AKAP13: variants seen among roughly 807,000 people sequenced by gnomAD.
AKAP13 encodes A-kinase anchor protein 13.
A neutral mutation model predicts 264.5 loss-of-function variants in AKAP13; 80 were observed. That is an observed-to-expected ratio of 0.30 (90% CI 0.25 to 0.36). The LOEUF is 0.36. Ranked by LOEUF, AKAP13 falls within the 10% of genes least tolerant of loss-of-function variation. AKAP13 has a pLI of 1.00. For synonymous variants in AKAP13, 1,380 were observed against 1,250.2 expected, an observed-to-expected ratio of 1.10 and a Z score of -2.19; for missense variants, 3,712 against 3,435.2, an observed-to-expected ratio of 1.08 and a Z score of -2.01.
intron 13 of AKAP13, among the ~76,000 whole-genome samples, chr15:85,665,289 G>A (rs1400673201): frequency 2.6e-5 from 4 of 152,276 alleles, no homozygotes; most frequent in Non-Finnish European, 4.4e-5. Context: ...AATTAGGAAA[G>A]TATCCAGGAT....
chr15:85,614,420 T>G (rs2080847612), intron 8 of AKAP13, among the ~76,000 whole-genome samples: 1 of 152,262 alleles, frequency 6.6e-6, no homozygotes, highest in Non-Finnish European at 1.5e-5. Flanking sequence ...ATTCTATTTT[T>G]GTAAGATATT....
intron 8 of AKAP13, among the ~76,000 whole-genome samples, chr15:85,597,533 A>G (rs1567147143): frequency 2.6e-5 from 4 of 152,224 alleles, no homozygotes; most frequent in Admixed American, 1.3e-4. Flanking sequence ...AAGAAAAATT[A>G]TGGGAAGGAT....
At position 85,579,783 on chromosome 15, in the gene AKAP13, G is replaced by C; in HGVS notation, c.1715G>C (p.Arg572Pro). 1 of 1,614,210 alleles carries C rather than the reference G, an allele frequency of 6.2e-7. No homozygotes were observed. The highest frequency in any genetic ancestry group is 1.6e-4 in the Middle Eastern group (1 of 6,062). Reference protein sequence around the residue: ...TEKTAETETSRSREESADAPV... With the variant: ...TEKTAETETSPSREESADAPV... ...AAAACAGCAGAAACGGAAACTTCACGAAGTCGTGAGGAGAGTGCTGATGCT... is the reference window on the plus strand; with the variant it reads ...AAAACAGCAGAAACGGAAACTTCACCAAGTCGTGAGGAGAGTGCTGATGCT... The change falls in exon 7 of 37, where the codon CGA (arginine) becomes CCA (proline). Residue 572 changes from arginine to proline, a missense_variant. This residue lies in a region of AKAP13 where 2,759 missense variants were observed against 2,411.7 expected (regional missense o/e 1.14). Transcript: ENST00000394518.
At chr15:85,415,711 GTTTCT>G in intron 1 of AKAP13, 1 of 685,446 alleles carries the variant, frequency 1.5e-6, no homozygotes, top group Non-Finnish European at 2.4e-6. Flanking sequence ...TCTCCATACC[GTTTCT>G]TTTTTTTTTT....
intron 1 of AKAP13, among the ~76,000 whole-genome samples, chr15:85,477,483 C>G (rs934187824): frequency 2.0e-5 from 3 of 152,040 alleles, no homozygotes; most frequent in Admixed American, 2.0e-4. Flanking sequence ...GGAGTCTGGC[C>G]TGGCCCTGTT....
chr15:85,546,000 T>C (rs949932321), intron 5 of AKAP13, among the ~76,000 whole-genome samples: 5 of 152,176 alleles, frequency 3.3e-5, no homozygotes, highest in Non-Finnish European at 5.9e-5. Context: ...CTCCAGCCCC[T>C]GATAACCTCT....
intron 8 of AKAP13, among the ~76,000 whole-genome samples, chr15:85,609,825 C>T (rs1035511820): frequency 2.6e-5 from 4 of 152,160 alleles, no homozygotes; most frequent in African/African-American, 9.7e-5. Context: ...CAACACCCAC[C>T]TCCTCTCTTC....
chr15:85,415,531 G>A, intron 1 of AKAP13: 1 of 1,501,318 alleles, frequency 6.7e-7, no homozygotes, highest in Middle Eastern at 1.7e-4. Flanking sequence ...GAGTGGGATG[G>A]GAAGGAAAAC....
At chr15:85,414,409 C>G (rs2072134637) in intron 1 of AKAP13, among the ~76,000 whole-genome samples, 2 of 152,076 alleles carry the variant, frequency 1.3e-5, no homozygotes. Flanking sequence ...GACCACCGTG[C>G]TTTCTTTTTT....
intron 1 of AKAP13, among the ~76,000 whole-genome samples, chr15:85,425,316 A>T (rs1295950091): frequency 6.6e-6 from 1 of 152,174 alleles, no homozygotes; most frequent in Non-Finnish European, 1.5e-5. Flanking sequence ...CCTGGTTTTA[A>T]ATTACAGTTT....
intron 8 of AKAP13, among the ~76,000 whole-genome samples, chr15:85,592,759 C>T (rs750314495): frequency 1.1e-4 from 17 of 152,024 alleles, no homozygotes; most frequent in Non-Finnish European, 2.1e-4. Context: ...ATCAGCGGCT[C>T]CTAATACAAA....
At chr15:85,425,586 C>T (rs920938248) in intron 1 of AKAP13, among the ~76,000 whole-genome samples, 2 of 151,808 alleles carry the variant, frequency 1.3e-5, no homozygotes, top group Non-Finnish European at 2.9e-5. Flanking sequence ...TGTGGTGGCA[C>T]GTGCCTGTAA....
chr15:85,583,878 G>A (rs1446963001), intron 7 of AKAP13, among the ~76,000 whole-genome samples: 2 of 152,170 alleles, frequency 1.3e-5, no homozygotes, highest in Non-Finnish European at 2.9e-5. Flanking sequence ...CAGTATATAT[G>A]GGCTTGAGGT....
Position 85,580,076 on chromosome 15 carries a change from A to G in AKAP13, c.2008A>G (p.Asn670Asp). The G allele has an allele frequency of 6.2e-7, 1 of 1,614,216 alleles. No homozygotes were observed. Among genetic ancestry groups the G allele is most frequent in the Non-Finnish European group, 8.5e-7 (1 of 1,180,044 alleles). The change falls in exon 7 of 37, where the codon AAC becomes GAC. Residue 670 changes from asparagine to aspartate, a missense_variant. By Grantham distance (23) the Asn-to-Asp change is conservative (BLOSUM62 1). This residue lies in a region of AKAP13 where 2,759 missense variants were observed against 2,411.7 expected (regional missense o/e 1.14). Coordinates refer to ENST00000394518, the MANE Select transcript of AKAP13 (RefSeq NM_007200.5). The stretch of plus-strand genomic sequence containing the variant: ...TTGTGCAGACTCTGCATGTCAACAG[A>G]ACACAGTGACTTCTAGTGGCGATTT... ...KLCADSACQQNTVTSSGDLVA... is the reference protein window; with the variant it reads ...KLCADSACQQDTVTSSGDLVA...
At chr15:85,545,691 G>T (rs1421291222) in intron 5 of AKAP13, among the ~76,000 whole-genome samples, 1 of 152,130 alleles carries the variant, frequency 6.6e-6, no homozygotes, top group Non-Finnish European at 1.5e-5. Flanking sequence ...CATAATTAGC[G>T]ATTAAAAAAT....
chr15:85,696,150 A>G (rs896542728), intron 17 of AKAP13, among the ~76,000 whole-genome samples: 1 of 152,216 alleles, frequency 6.6e-6, no homozygotes, highest in Admixed American at 6.5e-5. Context: ...CTGGTTAGTT[A>G]TTAGTATGAT....
chr15:85,704,683 T>C (rs2086128909), intron 17 of AKAP13, among the ~76,000 whole-genome samples: 1 of 152,246 alleles, frequency 6.6e-6, no homozygotes, highest in African/African-American at 2.4e-5. Context: ...TGCCTACTGC[T>C]ATTAGGAAAT....
At chr15:85,425,263 T>C (rs1214123797) in intron 1 of AKAP13, among the ~76,000 whole-genome samples, 2 of 152,212 alleles carry the variant, frequency 1.3e-5, no homozygotes, top group African/African-American at 4.8e-5. Flanking sequence ...TCAGGTTTAT[T>C]ATTTATTTTT....
At chr15:85,518,298 A>T (rs116203089) in intron 2 of AKAP13, among the ~76,000 whole-genome samples, 1 of 152,322 alleles carries the variant, frequency 6.6e-6, no homozygotes, top group African/African-American at 2.4e-5. Context: ...ACCTGGTTCT[A>T]CTGGAGTAAA....
Sources: gnomAD v4.1 joint callset for allele counts (sites outside exome capture counted in the v4.1 genomes callset) on GRCh38, gnomAD v4.1.1 for gene constraint, gnomAD v4.1.1 regional missense constraint, MANE v1.5 for transcripts, NCBI Gene and HGNC (gene_info 2026-07-23, HGNC 2026-07-21) for gene names.